The following LARP1 variants were observed in gnomAD, a reference collection of about 807,000 sequenced individuals.
LARP1 encodes the protein La ribonucleoprotein 1, translational regulator.
LARP1 carries 36 observed loss-of-function variants against 122.7 expected under a neutral mutation model. That is an observed-to-expected ratio of 0.29 (90% CI 0.22 to 0.39). LARP1 has a LOEUF of 0.39. LARP1 is among the 10% of genes least tolerant of loss of function. The pLI is 1.00. For missense variants in LARP1, 1,040 were observed against 1,403.6 expected (o/e 0.74, Z 4.14); for synonymous variants, 539 against 528.7 (o/e 1.02, Z -0.27).
At chr5:154,771,675 C>T (rs766818407) in intron 1 of LARP1, among the ~76,000 whole-genome samples, 2 of 152,218 alleles carry the variant, frequency 1.3e-5, no homozygotes, top group African/African-American at 4.8e-5. Context: ...ACTCTGCCTC[C>T]GCTGGCAGGG....
intron 1 of LARP1, among the ~76,000 whole-genome samples, chr5:154,744,059 G>A (rs959021996): frequency 6.6e-6 from 1 of 152,254 alleles, no homozygotes; most frequent in Non-Finnish European, 1.5e-5. Context: ...GATCTCCTGG[G>A]TCACATGACC....
intron 1 of LARP1, among the ~76,000 whole-genome samples, chr5:154,777,323 C>T (rs1295419876): frequency 6.6e-6 from 1 of 150,888 alleles, no homozygotes; most frequent in Non-Finnish European, 1.5e-5. Flanking sequence ...GCAGCCTGGC[C>T]AACGTGGTGA....
intron 14 of LARP1, chr5:154,804,949 C>T: frequency 2.2e-6 from 1 of 455,990 alleles, no homozygotes; most frequent in Non-Finnish European, 4.4e-6. Flanking sequence ...CCCAGCTGCA[C>T]ACAGTTGAAA....
intron 8 of LARP1, among the ~76,000 whole-genome samples, chr5:154,795,815 ATATATATTTATATATATATTT>A (rs1157840618): frequency 9.1e-6 from 1 of 109,958 alleles, no homozygotes; most frequent in Non-Finnish European, 1.9e-5. Flanking sequence ...TTGGCGCCAT[ATATATATTTATATATATATTT>A]TATATATATT....
At chr5:154,795,950 T>A (rs1419528929) in intron 8 of LARP1, among the ~76,000 whole-genome samples, 2 of 119,804 alleles carry the variant, frequency 1.7e-5, no homozygotes, top group African/African-American at 6.6e-5. Flanking sequence ...TATTTATATA[T>A]TATATATATT....
At chr5:154,788,790 C>T (rs1757089443) in intron 1 of LARP1, among the ~76,000 whole-genome samples, 1 of 151,862 alleles carries the variant, frequency 6.6e-6, no homozygotes, top group Non-Finnish European at 1.5e-5. Context: ...AAGCCCATGT[C>T]TGTCTTTGTT....
At chr5:154,795,910 T>C (rs1582438450) in intron 8 of LARP1, among the ~76,000 whole-genome samples, 1 of 123,784 alleles carries the variant, frequency 8.1e-6, no homozygotes, top group East Asian at 2.1e-4. Context: ...ATATTATATA[T>C]TTATTATATA....
In LARP1 at chr5:154,716,695, TGCCTTGGCCTCCC is replaced by T. The variant is rs1198321060; in HGVS notation, c.205+3566_205+3578del. 2.6e-5 allele frequency among the ~76,000 whole-genome samples: 4 copies of T among 152,284 alleles called. No individual in the cohort carries two copies. The South Asian group carries it at 8.3e-4, about 32-fold the overall frequency. The stretch of plus-strand genomic sequence containing the variant: ...AACTTTTGACCTCAAGTGATCCACC[TGCCTTGGCCTCCC>T]AAAGTGTTGGGATTACAGGTGTGAG... On this transcript the variant is annotated intron_variant, in intron 1 of 18. Transcript: ENST00000336314.
intron 1 of LARP1, among the ~76,000 whole-genome samples, chr5:154,688,791 A>G (rs987278984): frequency 6.6e-6 from 1 of 152,104 alleles, no homozygotes; most frequent in Non-Finnish European, 1.5e-5. Context: ...GCATCACTTC[A>G]TTCCAGCCTG....
chr5:154,764,553 G>A (rs1240696233), intron 1 of LARP1, among the ~76,000 whole-genome samples: 2 of 97,932 alleles, frequency 2.0e-5, no homozygotes, highest in African/African-American at 4.2e-5. Context: ...TTGAGCAAGA[G>A]CCACTGCACT....
rs542045729 is a variant in LARP1, at chr5:154,801,943, A to G, written c.1717-64A>G. The G allele has an allele frequency of 5.4e-6, 8 of 1,487,092 alleles. No individual in the cohort carries two copies. In the African/African-American group the frequency reaches 9.8e-5, roughly 18 times the overall value. The allele number at this position is 1,487,092 out of a possible 1,614,324, so 92.1% of individuals were successfully genotyped here. A position where few individuals can be genotyped will look rare whatever the true frequency, so the allele number is the denominator to read the frequency against. ...GGCTGGAGCTTCCCTCTCATGGTAT[A>G]GCTACAGAATCTGGGCCAAGGATCT... On this transcript the variant is annotated intron_variant, in intron 10 of 18. Transcript: ENST00000518297.
At chr5:154,764,421 TAGTG>T (rs1430345723) in intron 1 of LARP1, among the ~76,000 whole-genome samples, 7 of 146,830 alleles carry the variant, frequency 4.8e-5, no homozygotes, top group African/African-American at 7.6e-5. Flanking sequence ...CTGGGCAACA[TAGTG>T]AGAGACCCCA....
chr5:154,770,422 C>G (rs1386468718), intron 1 of LARP1, among the ~76,000 whole-genome samples: 1 of 152,018 alleles, frequency 6.6e-6, no homozygotes, highest in Non-Finnish European at 1.5e-5. Context: ...TCTCTTGGCC[C>G]CAAAGCCATG....
At chr5:154,759,722 G>T (rs1347855396) in intron 1 of LARP1, among the ~76,000 whole-genome samples, 2 of 152,096 alleles carry the variant, frequency 1.3e-5, no homozygotes, top group African/African-American at 4.8e-5. Flanking sequence ...ACTTTATGTT[G>T]TTGGGAAAGT....
At position 154,692,434 on chromosome 5, in the gene LARP1, A is replaced by T. The variant is rs576527561; in HGVS notation, c.-180+9397A>T. On this transcript the variant is annotated intron_variant, in intron 1 of 18. Transcript: ENST00000687700. ...CCTGGAACACACTCAACTCACCCTA[A>T]GTGCTTGTTATTATAATTCTCAGCC... is the stretch of plus-strand genomic sequence containing the variant. 5.9e-5 allele frequency among the ~76,000 whole-genome samples: 9 copies of T among 152,246 alleles called. No individual in the cohort carries two copies. The East Asian group carries it at 1.7e-3, about 29-fold the overall frequency.
intron 1 of LARP1, 133 bp downstream of exon 1, chr5:154,756,326 C>G: frequency 1.1e-6 from 1 of 921,632 alleles, no homozygotes; most frequent in Non-Finnish European, 1.3e-6. Flanking sequence ...AAATTGCCTC[C>G]TGGTTGATCC....
At chr5:154,728,606 A>G (rs1312169641) in intron 1 of LARP1, among the ~76,000 whole-genome samples, 1 of 152,222 alleles carries the variant, frequency 6.6e-6, no homozygotes, top group Non-Finnish European at 1.5e-5. Flanking sequence ...TATATGAGTG[A>G]GGCATGGATC....
chr5:154,777,682 TAAC>T (rs1319982260), intron 1 of LARP1, among the ~76,000 whole-genome samples: 1 of 152,172 alleles, frequency 6.6e-6, no homozygotes, highest in Non-Finnish European at 1.5e-5. Context: ...CATTTAAAAA[TAAC>T]AAAGTGTAAC....
At position 154,794,140 on chromosome 5, in the gene LARP1, T is replaced by C; in HGVS notation, c.1110T>C (p.Gly370=). 1 of 1,614,138 alleles carries C rather than the reference T, an allele frequency of 6.2e-7. No individual in the cohort carries two copies. Among genetic ancestry groups the C allele is most frequent in the Non-Finnish European group, 8.5e-7 (1 of 1,180,008 alleles). Residue 370 remains glycine (G), a synonymous_variant, in exon 7 of 19, where the codon GGT becomes GGC. Coordinates refer to ENST00000518297, the MANE Select transcript of LARP1 (RefSeq NM_033551.3). ...AGTTTGGCTACCGAAAGTTTGATGG[T>C]GTGGAGGGGCCTCGTACGCCCAAGT... The part of the protein sequence containing the change: ...DYQFGYRKFD[G]VEGPRTPKYM...
Sources: gnomAD v4.1 joint callset for allele counts (sites outside exome capture counted in the v4.1 genomes callset) on GRCh38, gnomAD v4.1.1 for gene constraint, MANE v1.5 for transcripts, NCBI Gene and HGNC (gene_info 2026-07-23, HGNC 2026-07-21) for gene names.